The following TTC12 variants were observed in gnomAD, a reference collection of about 807,000 sequenced individuals.
TTC12 encodes tetratricopeptide repeat domain 12.
In TTC12, 70 loss-of-function variants were observed where a neutral mutation model predicts 90.1. That is an observed-to-expected ratio of 0.78 (90% CI 0.64 to 0.95). TTC12 has a LOEUF of 0.95. Among genes scored for constraint, TTC12 ranks in the 40% least tolerant of loss-of-function variants. TTC12 has a pLI of 0.00. For synonymous variants in TTC12, 296 were observed against 311.5 expected, an observed-to-expected ratio of 0.95 and a Z score of 0.53; for missense variants, 819 against 846.1, an observed-to-expected ratio of 0.97 and a Z score of 0.40.
chr11:113,361,900 G>A (rs1949950866), intron 18 of TTC12, among the ~76,000 whole-genome samples: 1 of 149,516 alleles, frequency 6.7e-6, no homozygotes, highest in Non-Finnish European at 1.5e-5. Context: ...TTTGTATCCT[G>A]AGAAAGATTT....
At chr11:113,335,646 C>T (rs1408013611) in intron 8 of TTC12, among the ~76,000 whole-genome samples, 2 of 152,100 alleles carry the variant, frequency 1.3e-5, no homozygotes, top group Non-Finnish European at 2.9e-5. Flanking sequence ...TACATTTGCC[C>T]GTTCTGTAGA....
At chr11:113,360,063 T>TGTTTTGTTTTGTTTC (rs1555154264) in intron 18 of TTC12, 55 bp downstream of exon 18, 3 of 1,188,324 alleles carry the variant, frequency 2.5e-6, no homozygotes, top group African/African-American at 3.0e-5. Flanking sequence ...TGTTTTGTTT[T>TGTTTTGTTTTGTTTC]GTTTTGTTTT....
chr11:113,329,987 G>A lies in TTC12; in HGVS notation c.504+8G>A, dbSNP rs2303380. 0.63 allele frequency: 1,005,328 copies of A among 1,605,108 alleles called. 317,243 individuals are homozygous for A. Among genetic ancestry groups the A allele is most frequent in the African/African-American group, 0.68 (50,767 of 74,802 alleles). Reference sequence around the variant, plus strand: ...TGTGAGTGGGCTCTCAAGGTAAGAGGGTATTTCTTTTCCCACATGATAGTG... The same window carrying A: ...TGTGAGTGGGCTCTCAAGGTAAGAGAGTATTTCTTTTCCCACATGATAGTG... On this transcript the variant is annotated splice_region_variant and intron_variant, in intron 7 of 21. Transcript: ENST00000529221.
At chr11:113,327,835 G>C (rs1240936405) in intron 6 of TTC12, among the ~76,000 whole-genome samples, 1 of 152,188 alleles carries the variant, frequency 6.6e-6, no homozygotes, top group East Asian at 1.9e-4. Context: ...ATGCTTTACA[G>C]AACAGATAGC....
chr11:113,359,314 A>C (rs1218468249), intron 16 of TTC12, 49 bp from the exon 17 acceptor site: 3 of 1,284,604 alleles, frequency 2.3e-6, no homozygotes, highest in Admixed American at 1.8e-5. Context: ...ATGACCATAA[A>C]AAGCTGTAAG....
downstream of TTC12, chr11:113,368,713 C>T (rs1015984164): frequency 1.9e-5 from 11 of 579,008 alleles, no homozygotes; most frequent in Admixed American, 6.0e-5. Context: ...CAACAGGTCA[C>T]GGGCTGCTAT....
chr11:113,320,610 G>C (rs868962139), intron 2 of TTC12, among the ~76,000 whole-genome samples: 1 of 152,128 alleles, frequency 6.6e-6, no homozygotes, highest in Non-Finnish European at 1.5e-5. Context: ...TGATTCTTCC[G>C]GGGATGCTGG....
intron 8 of TTC12, among the ~76,000 whole-genome samples, chr11:113,337,373 T>C (rs1408660107): frequency 6.6e-6 from 1 of 152,156 alleles, no homozygotes; most frequent in African/African-American, 2.4e-5. Context: ...TAGTGGTAAG[T>C]AGCATTGAGA....
At chr11:113,345,574 G>A (rs1203997752) in intron 13 of TTC12, among the ~76,000 whole-genome samples, 1 of 152,212 alleles carries the variant, frequency 6.6e-6, no homozygotes, top group African/African-American at 2.4e-5. Context: ...TGCCGTGACA[G>A]GATGGTTATT....
rs147839161 is a variant in TTC12 at position 113,348,067 on chromosome 11, C to T, written c.1155-2006C>T. On this transcript the variant is annotated intron_variant, in intron 13 of 21. Transcript: ENST00000529221. ...CAGGATCCTACCCTTGGCCCTCTTC[C>T]CATCCATGGCTTTCGTCAAGAGGCA... Among the ~76,000 whole-genome samples the T allele has an allele frequency of 2.0e-3, 309 of 152,350 alleles. 1 individual carries two copies. The highest frequency in any genetic ancestry group is 3.4e-3 in the Middle Eastern group (1 of 294).
intron 17 of TTC12, 97 bp from the exon 18 acceptor site, chr11:113,359,843 G>A (rs1328288171): frequency 3.4e-6 from 3 of 883,498 alleles, no homozygotes; most frequent in East Asian, 2.6e-5. Context: ...ATAGTGTGGT[G>A]GTGCTAAAAA....
chr11:113,339,284 A>G lies in TTC12; in HGVS notation c.638-2A>G. On this transcript the variant is annotated splice_acceptor_variant, in intron 9 of 21. Transcript: ENST00000529221. LOFTEE classifies it high-confidence loss of function. ...TTTTGCTTTCCTTTCTTGTTTTTCT[A>G]GGTTACCTGAATCAAGTAGATCTTC... The G allele has an allele frequency of 1.9e-6, 3 of 1,593,898 alleles. No homozygotes were observed. The highest frequency in any genetic ancestry group is 2.2e-5 in the East Asian group (1 of 44,714).
chr11:113,341,422 A>G (rs1948673576), intron 11 of TTC12, among the ~76,000 whole-genome samples: 1 of 152,212 alleles, frequency 6.6e-6, no homozygotes, highest in Non-Finnish European at 1.5e-5. Context: ...GGCCAATCCC[A>G]TTTATAATTT....
intron 21 of TTC12, among the ~76,000 whole-genome samples, chr11:113,365,972 G>C (rs1950181070): frequency 6.6e-6 from 1 of 152,236 alleles, no homozygotes; most frequent in Non-Finnish European, 1.5e-5. Context: ...TCGAGAGCAA[G>C]GTCCTGTCTG....
intron 6 of TTC12, 98 bp downstream of exon 6, chr11:113,325,743 T>C: frequency 6.7e-7 from 1 of 1,503,540 alleles, no homozygotes; most frequent in Non-Finnish European, 9.0e-7. Context: ...GGCTGGGAAA[T>C]GTTTATAAGA....
intron 8 of TTC12, among the ~76,000 whole-genome samples, chr11:113,336,927 T>C (rs551357506): frequency 1.2e-4 from 18 of 152,344 alleles, no homozygotes; most frequent in African/African-American, 3.4e-4. Context: ...AATTCATAAA[T>C]CAATTTGGCA....
intron 7 of TTC12, among the ~76,000 whole-genome samples, chr11:113,331,769 A>G (rs1424885642): frequency 9.9e-5 from 15 of 152,244 alleles, no homozygotes; most frequent in African/African-American, 3.6e-4. Context: ...ACCGAGGCCA[A>G]GCAGGCCCAA....
intron 16 of TTC12, among the ~76,000 whole-genome samples, chr11:113,352,854 TG>T (rs1280837418): frequency 1.3e-5 from 2 of 152,270 alleles, no homozygotes; most frequent in East Asian, 3.8e-4. Flanking sequence ...AGTCTATCAT[TG>T]ATGGGCATTT....
chr11:113,370,856 C>A (rs551978039), downstream of TTC12, among the ~76,000 whole-genome samples: 1 of 152,340 alleles, frequency 6.6e-6, no homozygotes, highest in African/African-American at 2.4e-5. Flanking sequence ...GAGCATCACT[C>A]CATTGTCACA....
Sources: gnomAD v4.1 joint callset for allele counts (sites outside exome capture counted in the v4.1 genomes callset) on GRCh38, gnomAD v4.1.1 for gene constraint, MANE v1.5 for transcripts, NCBI Gene and HGNC (gene_info 2026-07-23, HGNC 2026-07-21) for gene names.